Variants in LRRC4C observed in about 807,000 individuals in gnomAD.
LRRC4C encodes leucine-rich repeat-containing protein 4C.
A neutral mutation model predicts 33.6 loss-of-function variants in LRRC4C; 5 were observed. The observed-to-expected ratio is 0.15, with a 90% CI of 0.08 to 0.31. The LOEUF (loss-of-function observed/expected upper bound fraction) is 0.31, where lower values mean the gene tolerates loss of function less well. Ranked by LOEUF, LRRC4C falls within the 10% of genes least tolerant of loss-of-function variation. The probability of loss-of-function intolerance (pLI) is 1.00; values close to 1 mark genes in which losing one functional copy is unlikely to be tolerated. For missense variants in LRRC4C, 560 were observed against 796.7 expected, an observed-to-expected ratio of 0.70 and a Z score of 3.58; for synonymous variants, 329 against 302.0, an observed-to-expected ratio of 1.09 and a Z score of -0.93.
At chr11:41,414,309 T>A (rs150908703) in intron 1 of LRRC4C, among the ~76,000 whole-genome samples, 18 of 152,274 alleles carry the variant, frequency 1.2e-4, no homozygotes, top group African/African-American at 4.1e-4. Flanking sequence ...TCTTATCTAA[T>A]TTGGAAATCA....
intron 1 of LRRC4C, among the ~76,000 whole-genome samples, chr11:41,095,441 T>C (rs1940749298): frequency 6.6e-6 from 1 of 152,140 alleles, no homozygotes; most frequent in Admixed American, 6.5e-5. Flanking sequence ...TAAAGGATAA[T>C]TTCATAGAGC....
intron 2 of LRRC4C, among the ~76,000 whole-genome samples, chr11:40,671,059 G>A (rs1280572555): frequency 6.6e-6 from 1 of 152,156 alleles, no homozygotes; most frequent in Non-Finnish European, 1.5e-5. Context: ...CACTGCGCCT[G>A]GCCAAGAAGA....
chr11:41,429,317 A>G (rs1408029304), intron 1 of LRRC4C, among the ~76,000 whole-genome samples: 2 of 152,116 alleles, frequency 1.3e-5, no homozygotes, highest in East Asian at 3.9e-4. Flanking sequence ...ATTATCCAGT[A>G]TTGGGTATGT....
intron 2 of LRRC4C, among the ~76,000 whole-genome samples, chr11:40,656,795 A>C (rs556924458): frequency 6.6e-6 from 1 of 152,306 alleles, no homozygotes; most frequent in Non-Finnish European, 1.5e-5. Flanking sequence ...TCTTTTTGTT[A>C]AAATATCCAT....
chr11:41,001,692 T>C (rs1465684033), intron 1 of LRRC4C, among the ~76,000 whole-genome samples: 1 of 152,186 alleles, frequency 6.6e-6, no homozygotes, highest in African/African-American at 2.4e-5. Flanking sequence ...ATTAATCAAG[T>C]GAAATTAAAT....
At chr11:41,058,065 T>C (rs1197962440) in intron 1 of LRRC4C, among the ~76,000 whole-genome samples, 3 of 152,200 alleles carry the variant, frequency 2.0e-5, no homozygotes, top group Non-Finnish European at 2.9e-5. Context: ...ACCCACTGAA[T>C]GGTGAGGATA....
chr11:41,174,014 A>G (rs543098651), intron 1 of LRRC4C, among the ~76,000 whole-genome samples: 21 of 152,208 alleles, frequency 1.4e-4, no homozygotes, highest in African/African-American at 5.1e-4. Context: ...GTGACCATTA[A>G]TTTGTCAACT....
chr11:40,800,521 AT>A (rs974217473), intron 2 of LRRC4C, among the ~76,000 whole-genome samples: 5 of 152,140 alleles, frequency 3.3e-5, no homozygotes, highest in Non-Finnish European at 7.4e-5. Flanking sequence ...ACACTTTTGC[AT>A]TTTTCTAACA....
chr11:40,939,953 CCAAT>C (rs1958070632), intron 1 of LRRC4C, among the ~76,000 whole-genome samples: 1 of 152,088 alleles, frequency 6.6e-6, no homozygotes, highest in Non-Finnish European at 1.5e-5. Context: ...CCGTGAAGGT[CCAAT>C]CAGAGTTCAG....
Position 41,235,962 on chromosome 11 carries a change from G to A in LRRC4C, c.-496+223469C>T, listed in dbSNP as rs184166500. ...TCCTAATAGAATCTAGAATTGGTGT[G>A]CCAATGGGCCCAGCTACATTTTTCA... On this transcript the variant is annotated intron_variant, in intron 1 of 6. Coordinates refer to ENST00000528697, the MANE Select transcript of LRRC4C (RefSeq NM_001258419.2). 2.9e-3 allele frequency among the ~76,000 whole-genome samples: 448 copies of A among 152,162 alleles called. 2 individuals carry two copies. Among genetic ancestry groups the A allele is most frequent in the African/African-American group, 0.01 (418 of 41,530 alleles).
chr11:40,116,312 G>T lies in LRRC4C; in HGVS notation c.-20C>A, dbSNP rs772111775. 7.7e-6 allele frequency: 12 copies of T among 1,554,008 alleles called. No individual in the cohort carries two copies. The highest frequency in any genetic ancestry group is 1.0e-5 in the Non-Finnish European group (12 of 1,148,626). On this transcript the variant is annotated 5_prime_UTR_variant, in exon 7 of 7. Coordinates refer to ENST00000528697, the MANE Select transcript of LRRC4C (RefSeq NM_001258419.2). Reference sequence around the variant, plus strand: ...CAACATTCATAATTTATCTGGTGTTGGTCCTTCTGGAATTCAAACAGTCTG... The same window carrying T: ...CAACATTCATAATTTATCTGGTGTTTGTCCTTCTGGAATTCAAACAGTCTG...
At chr11:40,899,476 G>A (rs951628632) in intron 2 of LRRC4C, among the ~76,000 whole-genome samples, 1 of 152,108 alleles carries the variant, frequency 6.6e-6, no homozygotes, top group African/African-American at 2.4e-5. Flanking sequence ...AAACTTTCAT[G>A]TCTTGTTGAG....
intron 1 of LRRC4C, among the ~76,000 whole-genome samples, chr11:41,250,180 C>T (rs189197958): frequency 6.6e-6 from 1 of 152,046 alleles, no homozygotes; most frequent in African/African-American, 2.4e-5. Context: ...AAAAACAAAA[C>T]AAACAAACAA....
intron 1 of LRRC4C, among the ~76,000 whole-genome samples, chr11:41,113,143 G>A (rs1941937886): frequency 6.6e-6 from 1 of 151,996 alleles, no homozygotes; most frequent in African/African-American, 2.4e-5. Flanking sequence ...AGAGGAAGGA[G>A]ACATGGAGGT....
At chr11:41,353,200 G>A (rs773074360) in intron 1 of LRRC4C, among the ~76,000 whole-genome samples, 2 of 151,694 alleles carry the variant, frequency 1.3e-5, no homozygotes, top group Non-Finnish European at 2.9e-5. Flanking sequence ...CATTACCATC[G>A]ACCCCAGAAA....
intron 2 of LRRC4C, among the ~76,000 whole-genome samples, chr11:40,775,033 A>C (rs1022004446): frequency 2.6e-5 from 4 of 152,120 alleles, no homozygotes; most frequent in Middle Eastern, 3.4e-3. Context: ...AAAAATAAAT[A>C]AATAAATAAA....
intron 1 of LRRC4C, among the ~76,000 whole-genome samples, chr11:41,285,031 G>A (rs1591157987): frequency 1.3e-5 from 2 of 152,244 alleles, no homozygotes; most frequent in South Asian, 2.1e-4. Flanking sequence ...TATTTATAGG[G>A]CTTATATTAA....
intron 3 of LRRC4C, among the ~76,000 whole-genome samples, chr11:40,425,225 T>TC (rs1950668097): frequency 6.6e-6 from 1 of 151,994 alleles, no homozygotes; most frequent in Non-Finnish European, 1.5e-5. Flanking sequence ...TCCAATCATT[T>TC]CCCCCCTTTT....
intron 3 of LRRC4C, among the ~76,000 whole-genome samples, chr11:40,633,973 T>C (rs189497269): frequency 6.6e-6 from 1 of 152,324 alleles, no homozygotes; most frequent in East Asian, 1.9e-4. Flanking sequence ...TGATAAATAA[T>C]GACACTTGTA....
Sources: allele counts gnomAD v4.1 joint callset (sites outside exome capture counted in the v4.1 genomes callset), GRCh38; gene constraint gnomAD v4.1.1; transcripts MANE v1.5; gene names NCBI Gene and HGNC (gene_info 2026-07-23, HGNC 2026-07-21).